MTDH: variants seen among roughly 807,000 people sequenced by gnomAD.
The protein encoded by MTDH is protein LYRIC.
MTDH carries 34 observed loss-of-function variants against 72.7 expected under a neutral mutation model. That is an observed-to-expected ratio of 0.47 (90% CI 0.36 to 0.62). MTDH has a LOEUF of 0.62. Among genes scored for constraint, MTDH ranks in the 20% least tolerant of loss-of-function variants. MTDH has a pLI of 0.00. For synonymous variants in MTDH, 266 were observed against 268.9 expected (o/e 0.99, Z 0.10); for missense variants, 677 against 699.4 (o/e 0.97, Z 0.36).
chr8:97,728,698 G>T lies in MTDH; in HGVS notation c.*4028G>T, dbSNP rs1203143085. The T allele has an allele frequency of 6.8e-6, 1 of 146,378 alleles. No homozygotes were observed. 9.1% of individuals were successfully genotyped at this position (146,378 alleles called of 1,614,324 possible). On this transcript the variant is annotated 3_prime_UTR_variant, in exon 12 of 12. Transcript: ENST00000336273. ...GCTCTTTGGGAGGCCAACGCGGGAG[G>T]ATTGTTTGAGCCCAGGAGTTTGAAA...
Position 97,730,049 on chromosome 8 carries a change from CAT to C in MTDH, c.*5380_*5381del, listed in dbSNP as rs1815500106. ...GACATGTATATAGTGTGTTGTAAGACATTTGCCAGCTAATAGTTACAGTACTG... is the reference window on the plus strand; with the variant it reads ...GACATGTATATAGTGTGTTGTAAGACTTGCCAGCTAATAGTTACAGTACTG... On this transcript the variant is annotated 3_prime_UTR_variant, in exon 12 of 12. Coordinates refer to ENST00000336273, the MANE Select transcript of MTDH (RefSeq NM_178812.4). Among the ~76,000 whole-genome samples the C allele has an allele frequency of 6.6e-6, 1 of 152,152 alleles. No individual in the cohort carries two copies. Among genetic ancestry groups the C allele is most frequent in the Non-Finnish European group, 1.5e-5 (1 of 68,026 alleles).
intron 2 of MTDH, among the ~76,000 whole-genome samples, chr8:97,675,412 T>C (rs1393510161): frequency 1.3e-5 from 2 of 151,158 alleles, no homozygotes; most frequent in Admixed American, 1.3e-4. Context: ...AATACAAACA[T>C]TAGTTGGGTG....
rs1394495558 is a variant in MTDH, at chr8:97,727,857, A to C, written c.*3187A>C. 2 of 152,192 alleles carry C rather than the reference A, an allele frequency of 1.3e-5. No individual in the cohort carries two copies. The highest frequency in any genetic ancestry group is 1.3e-4 in the Admixed American group (2 of 15,276). 9.4% of individuals were successfully genotyped at this position (152,192 alleles called of 1,614,324 possible). A position where few individuals can be genotyped will look rare whatever the true frequency, so the allele number is the denominator to read the frequency against. ...ACCTATCTGTACCGACAATTGAGCA[A>C]ACAACAGTTGAGAGAGTCCAAAAAA... On this transcript the variant is annotated 3_prime_UTR_variant, in exon 12 of 12. Transcript: ENST00000336273.
At chr8:97,675,520 A>G (rs1218226980) in intron 2 of MTDH, among the ~76,000 whole-genome samples, 2 of 148,708 alleles carry the variant, frequency 1.3e-5, no homozygotes, top group African/African-American at 5.0e-5. Context: ...AGATCGTGCC[A>G]CTGCACTCCA....
chr8:97,656,196 A>G (rs1268207726), intron 1 of MTDH, among the ~76,000 whole-genome samples: 7 of 152,120 alleles, frequency 4.6e-5, no homozygotes, highest in Admixed American at 2.6e-4. Flanking sequence ...TTTAGAAGTC[A>G]GTGTTAAACC....
At chr8:97,718,344 C>A (rs56099240) in intron 9 of MTDH, among the ~76,000 whole-genome samples, 2,455 of 152,270 alleles carry the variant, frequency 0.016, 26 homozygotes, top group Non-Finnish European at 0.026. Flanking sequence ...CCAAATCTAT[C>A]CCTGAGATTT....
intron 2 of MTDH, among the ~76,000 whole-genome samples, chr8:97,670,496 C>G (rs954512142): frequency 6.6e-6 from 1 of 152,002 alleles, no homozygotes; most frequent in Non-Finnish European, 1.5e-5. Context: ...GTGGCGTGTG[C>G]CCGTATAATC....
intron 9 of MTDH, among the ~76,000 whole-genome samples, chr8:97,717,123 A>G (rs1471025871): frequency 2.0e-5 from 3 of 152,162 alleles, no homozygotes; most frequent in Non-Finnish European, 4.4e-5. Flanking sequence ...CTTCACCCAC[A>G]TACTTCCAAA....
At chr8:97,692,755 G>A (rs1413783518) in intron 6 of MTDH, among the ~76,000 whole-genome samples, 1 of 148,060 alleles carries the variant, frequency 6.8e-6, no homozygotes, top group Non-Finnish European at 1.5e-5. Flanking sequence ...TTTAAGATGG[G>A]GTCTCTCTCT....
rs1465382522 is a variant in MTDH, at chr8:97,723,519, G to A, written c.1678+484G>A. ...AGCACTTTGAGAGGCTGAGGCGGGC[G>A]GATCACTAGGTCAGGAGATCGAGAC... On this transcript the variant is annotated intron_variant, in intron 11 of 11. Coordinates refer to ENST00000336273, the MANE Select transcript of MTDH (RefSeq NM_178812.4). 6.0e-5 allele frequency among the ~76,000 whole-genome samples: 9 copies of A among 149,270 alleles called. No individual in the cohort carries two copies. The East Asian group carries it at 1.4e-3, about 23-fold the overall frequency.
At chr8:97,664,546 T>G (rs1415953219) in intron 2 of MTDH, among the ~76,000 whole-genome samples, 1 of 152,368 alleles carries the variant, frequency 6.6e-6, no homozygotes, top group Middle Eastern at 3.4e-3. Flanking sequence ...CTACAACTCA[T>G]GGCTGGTGTT....
intron 7 of MTDH, 68 bp downstream of exon 7, chr8:97,699,920 C>A: frequency 1.0e-6 from 1 of 971,986 alleles, no homozygotes; most frequent in Non-Finnish European, 1.6e-6. Context: ...TGAATTCATG[C>A]TTTATGTTTT....
intron 1 of MTDH, among the ~76,000 whole-genome samples, chr8:97,652,976 A>C (rs923531851): frequency 1.3e-5 from 2 of 152,034 alleles, no homozygotes; most frequent in Non-Finnish European, 2.9e-5. Context: ...AAAATCAGCC[A>C]GGCATGGTGG....
rs148327274 is a variant in MTDH, at chr8:97,722,911, C to T, written c.1554C>T (p.Thr518=). 2.0e-5 allele frequency: 32 copies of T among 1,612,910 alleles called. No individual in the cohort carries two copies. The highest frequency in any genetic ancestry group is 8.0e-5 in the African/African-American group (6 of 74,884). ...AGACTCTTCCACCTGCTACTTCTAC[C>T]GAGCCATCTGTAATCTTATCAAAAA... ...PIKTLPPATS[T]EPSVILSKSD... Residue 518 remains threonine (T), a synonymous_variant, in exon 11 of 12, where the codon ACC becomes ACT. Transcript: ENST00000336273.
chr8:97,711,721 C>T (rs889798175), intron 8 of MTDH, among the ~76,000 whole-genome samples: 2 of 152,174 alleles, frequency 1.3e-5, no homozygotes, highest in Non-Finnish European at 2.9e-5. Context: ...TTTTCCTATA[C>T]ATAACCTCTG....
chr8:97,691,345 A>C (rs1813599851), intron 6 of MTDH, among the ~76,000 whole-genome samples, 157 bp downstream of exon 6: 1 of 152,230 alleles, frequency 6.6e-6, no homozygotes, highest in Non-Finnish European at 1.5e-5. Flanking sequence ...CTTTTTGTAG[A>C]GCAAGGTGGG....
intron 2 of MTDH, among the ~76,000 whole-genome samples, chr8:97,665,984 C>A (rs1023272745): frequency 6.6e-5 from 10 of 152,012 alleles, no homozygotes; most frequent in African/African-American, 2.4e-4. Flanking sequence ...AAAAATTAGC[C>A]GGGCATGGTG....
rs1034743730 is a variant in MTDH at position 97,690,855 on chromosome 8, T to C, written c.812-97T>C. 9 of 842,484 alleles carry C rather than the reference T, an allele frequency of 1.1e-5. No homozygotes were observed. In the African/African-American group the frequency reaches 1.5e-4, roughly 14 times the overall value. 52.2% of individuals were successfully genotyped at this position (842,484 alleles called of 1,614,324 possible). A position where few individuals can be genotyped will look rare whatever the true frequency, so the allele number is the denominator to read the frequency against. ...ATCAAAGGATAGTAGGGGAAGTGAG[T>C]AATAAATATAAGTCAAGCAATCATA... On this transcript the variant is annotated intron_variant, in intron 5 of 11. Transcript: ENST00000336273.
chr8:97,678,274 G>T (rs532320578), intron 2 of MTDH, among the ~76,000 whole-genome samples: 55 of 152,050 alleles, frequency 3.6e-4, no homozygotes, highest in Non-Finnish European at 2.8e-4. Flanking sequence ...CTGATGGACG[G>T]CTTTGACTGG....
Sources: allele counts gnomAD v4.1 joint callset (sites outside exome capture counted in the v4.1 genomes callset), GRCh38; gene constraint gnomAD v4.1.1; transcripts MANE v1.5; gene names NCBI Gene and HGNC (gene_info 2026-07-23, HGNC 2026-07-21).